Variants in MRTFA observed in about 807,000 individuals in gnomAD.
The protein encoded by MRTFA is myocardin related transcription factor A, also known as myocardin-related transcription factor A.
Under a neutral mutation model 83.5 loss-of-function variants are expected in MRTFA, and 20 were observed. The observed-to-expected ratio is 0.24, with a 90% CI of 0.17 to 0.35. MRTFA has a LOEUF of 0.35. MRTFA is among the 10% of genes least tolerant of loss of function. The pLI, the probability that MRTFA is intolerant of heterozygous loss-of-function variation, is 1.00. For missense variants in MRTFA, 1,200 were observed against 1,224.7 expected (o/e 0.98, Z 0.30); for synonymous variants, 659 against 541.2 (o/e 1.22, Z -3.02).
chr22:40,533,695 A>G, intron 3 of MRTFA: 1 of 1,057,606 alleles, frequency 9.5e-7, no homozygotes, highest in African/African-American at 1.6e-5. Flanking sequence ...AAGTCACAGG[A>G]GAAAAGCTGT....
chr22:40,453,295 C>T (rs915189644), intron 4 of MRTFA, among the ~76,000 whole-genome samples: 2 of 152,164 alleles, frequency 1.3e-5, no homozygotes, highest in Admixed American at 6.5e-5. Flanking sequence ...GGGTTCTCTG[C>T]CTCTTAAAGA....
intron 2 of MRTFA, among the ~76,000 whole-genome samples, chr22:40,561,350 G>A (rs1341984119): frequency 6.6e-6 from 1 of 152,000 alleles, no homozygotes; most frequent in Non-Finnish European, 1.5e-5. Context: ...AAACAGCCAG[G>A]CATGGTGATG....
chr22:40,455,087 A>T (rs1378573217), intron 4 of MRTFA, among the ~76,000 whole-genome samples: 1 of 152,216 alleles, frequency 6.6e-6, no homozygotes, highest in Non-Finnish European at 1.5e-5. Context: ...AATGTGAGCC[A>T]CTGTGCCTGG....
intron 7 of MRTFA, among the ~76,000 whole-genome samples, chr22:40,427,181 T>C (rs931459364): frequency 5.3e-5 from 8 of 152,156 alleles, no homozygotes; most frequent in African/African-American, 1.9e-4. Context: ...CAGAACTGGC[T>C]TGGCCCCTAC....
In MRTFA at chr22:40,428,115, G is replaced by A. The variant is rs117815106; in HGVS notation, c.601+1491C>T. Among the ~76,000 whole-genome samples the A allele has an allele frequency of 8.9e-4, 135 of 152,322 alleles. 2 individuals carry two copies. In the East Asian group the frequency reaches 0.013, roughly 15 times the overall value. ...TAAGTGAAGTGTTTCCCCAGGTTCT[G>A]TGAGCCATCCTAGCAAATTATCAAG... On this transcript the variant is annotated intron_variant, in intron 7 of 14. Transcript: ENST00000355630.
At chr22:40,551,593 TC>T (rs1404233022) in intron 3 of MRTFA, among the ~76,000 whole-genome samples, 2 of 152,120 alleles carry the variant, frequency 1.3e-5, no homozygotes, top group African/African-American at 4.8e-5. Flanking sequence ...GTCTCTTAAC[TC>T]CTGACCTGAG....
intron 4 of MRTFA, among the ~76,000 whole-genome samples, chr22:40,444,348 G>A (rs2053336054): frequency 1.3e-5 from 2 of 152,176 alleles, no homozygotes; most frequent in Non-Finnish European, 2.9e-5. Context: ...TGTCACAGAA[G>A]TGATGAAAGA....
chr22:40,416,836 C>T lies in MRTFA; in HGVS notation c.2578+150G>A, dbSNP rs541083648. 137 of 728,220 alleles carry T rather than the reference C, an allele frequency of 1.9e-4. No homozygotes were observed. Among genetic ancestry groups the T allele is most frequent in the African/African-American group, 1.9e-3 (104 of 55,894 alleles). 45.1% of individuals were successfully genotyped at this position (728,220 alleles called of 1,614,324 possible). On this transcript the variant is annotated intron_variant, in intron 14 of 14. Transcript: ENST00000355630. This position sits in a 1 kb window ranked among gnomAD's most constrained non-coding sequence, Gnocchi z 4.2. Reference sequence around the variant, plus strand: ...GGTCCTCTCGCCCAGGCCTTGGAGACGGGAGGGCTCACAGCCACCACTGCA... The same window carrying T: ...GGTCCTCTCGCCCAGGCCTTGGAGATGGGAGGGCTCACAGCCACCACTGCA...
chr22:40,446,841 C>T (rs1338347632), intron 4 of MRTFA, among the ~76,000 whole-genome samples: 2 of 152,142 alleles, frequency 1.3e-5, no homozygotes, highest in African/African-American at 4.8e-5. Context: ...TTCATTCTTC[C>T]AATAAATATC....
At chr22:40,483,837 G>A (rs1275228653) in intron 3 of MRTFA, among the ~76,000 whole-genome samples, 2 of 152,072 alleles carry the variant, frequency 1.3e-5, no homozygotes, top group Non-Finnish European at 2.9e-5. Context: ...CGGGACTACA[G>A]ACGCACAGTA....
At chr22:40,422,430 A>C (rs1158434014) in intron 9 of MRTFA, among the ~76,000 whole-genome samples, 1 of 152,202 alleles carries the variant, frequency 6.6e-6, no homozygotes, top group Non-Finnish European at 1.5e-5. Flanking sequence ...ACATTGGAGG[A>C]ACTCTGGGGG....
intron 5 of MRTFA, chr22:40,433,071 A>C (rs938138765): frequency 2.6e-5 from 4 of 152,386 alleles, no homozygotes; most frequent in African/African-American, 9.7e-5. Context: ...AAAGCTCCTC[A>C]TCCCTTCCCA....
chr22:40,546,366 G>A (rs564918641), intron 3 of MRTFA, among the ~76,000 whole-genome samples: 464 of 152,332 alleles, frequency 3.0e-3, no homozygotes, highest in Non-Finnish European at 5.4e-3. Context: ...AGCTCTGAAT[G>A]GCAAAGGGAG....
chr22:40,502,719 G>C (rs1041160412), intron 3 of MRTFA, among the ~76,000 whole-genome samples: 3 of 151,358 alleles, frequency 2.0e-5, no homozygotes, highest in Non-Finnish European at 2.9e-5. Flanking sequence ...CCTTGCCCTC[G>C]GGCCCCGCGG....
chr22:40,452,027 A>C (rs2053501879), intron 4 of MRTFA, among the ~76,000 whole-genome samples: 1 of 132,708 alleles, frequency 7.5e-6, no homozygotes, highest in Non-Finnish European at 1.5e-5. Flanking sequence ...CCTGTAGCCA[A>C]GGCTGGAGTG....
intron 3 of MRTFA, among the ~76,000 whole-genome samples, chr22:40,515,836 T>C (rs2054748735): frequency 6.6e-6 from 1 of 152,188 alleles, no homozygotes; most frequent in Non-Finnish European, 1.5e-5. Context: ...ATATAATCCC[T>C]GTGCAGATGG....
At chr22:40,568,853 G>A (rs531119277) in intron 2 of MRTFA, among the ~76,000 whole-genome samples, 5 of 152,314 alleles carry the variant, frequency 3.3e-5, no homozygotes, top group Admixed American at 2.6e-4. Context: ...CAAGCATGAT[G>A]TGGATAGCAA....
chr22:40,626,150 A>AT (rs905035709), intron 1 of MRTFA, among the ~76,000 whole-genome samples: 34 of 151,872 alleles, frequency 2.2e-4, no homozygotes, highest in Middle Eastern at 3.4e-3. Context: ...CACCCGGCTG[A>AT]TTTTTTTGTA....
At chr22:40,512,557 C>T (rs912058440) in intron 3 of MRTFA, among the ~76,000 whole-genome samples, 2 of 152,204 alleles carry the variant, frequency 1.3e-5, no homozygotes, top group Admixed American at 6.5e-5. Flanking sequence ...ACCATGAGAA[C>T]CACTGTGGGA....
Sources: allele counts gnomAD v4.1 joint callset (sites outside exome capture counted in the v4.1 genomes callset), GRCh38; gene constraint gnomAD v4.1.1; non-coding constraint Gnocchi (gnomAD v3.1); transcripts MANE v1.5; gene names NCBI Gene and HGNC (gene_info 2026-07-23, HGNC 2026-07-21).